GPM6A: variants seen among roughly 807,000 people sequenced by gnomAD.
GPM6A encodes the protein neuronal membrane glycoprotein M6-a.
A neutral mutation model predicts 32.1 loss-of-function variants in GPM6A; 7 were observed. The observed-to-expected ratio is 0.22, with a 90% CI of 0.12 to 0.41. GPM6A has a LOEUF of 0.41. Among genes scored for constraint, GPM6A ranks in the 10% least tolerant of loss-of-function variants. The probability of loss-of-function intolerance (pLI) is 1.00; values close to 1 mark genes in which losing one functional copy is unlikely to be tolerated. For synonymous variants in GPM6A, 130 were observed against 123.4 expected (o/e 1.05, Z -0.35); for missense variants, 235 against 347.2 (o/e 0.68, Z 2.57).
At chr4:175,865,439 G>A (rs1182228371) in intron 1 of GPM6A, among the ~76,000 whole-genome samples, 1 of 152,146 alleles carries the variant, frequency 6.6e-6, no homozygotes, top group East Asian at 1.9e-4. Flanking sequence ...GTAAATTTAA[G>A]AATGAGTTAG....
intron 1 of GPM6A, among the ~76,000 whole-genome samples, chr4:175,888,118 C>T (rs1397771344): frequency 6.6e-6 from 1 of 151,790 alleles, no homozygotes; most frequent in East Asian, 1.9e-4. Context: ...AATAACCAAT[C>T]ACAATTCAAG....
chr4:175,887,001 A>C (rs1278934992), intron 1 of GPM6A, among the ~76,000 whole-genome samples: 3 of 152,090 alleles, frequency 2.0e-5, no homozygotes, highest in African/African-American at 7.2e-5. Flanking sequence ...TAATATCACT[A>C]ATCAAAAATT....
chr4:175,752,074 A>G (rs1297598330), intron 1 of GPM6A, among the ~76,000 whole-genome samples: 2 of 152,132 alleles, frequency 1.3e-5, no homozygotes, highest in African/African-American at 4.8e-5. Context: ...GCTGAAAACT[A>G]TGGAACCTTC....
chr4:175,930,747 C>T (rs1486358745), intron 1 of GPM6A, among the ~76,000 whole-genome samples: 1 of 152,030 alleles, frequency 6.6e-6, no homozygotes, highest in Non-Finnish European at 1.5e-5. Context: ...ACATACCAAA[C>T]AGTGAAGGCA....
intron 1 of GPM6A, among the ~76,000 whole-genome samples, chr4:175,828,949 G>T (rs1226705338): frequency 6.6e-6 from 1 of 152,012 alleles, no homozygotes; most frequent in Non-Finnish European, 1.5e-5. Context: ...TTGAGACAGG[G>T]TTTGATTTCA....
intron 1 of GPM6A, among the ~76,000 whole-genome samples, chr4:175,769,515 G>T (rs1277631267): frequency 6.6e-6 from 1 of 151,878 alleles, no homozygotes; most frequent in Non-Finnish European, 1.5e-5. Flanking sequence ...TTTTTGCCCA[G>T]GGCCCCCCTG....
At chr4:175,959,236 T>A (rs1490962923) in intron 1 of GPM6A, among the ~76,000 whole-genome samples, 1 of 152,134 alleles carries the variant, frequency 6.6e-6, no homozygotes, top group Non-Finnish European at 1.5e-5. Context: ...ATGGGAACTC[T>A]CTATATTCAC....
chr4:175,872,844 C>T (rs961865000), intron 1 of GPM6A: 4 of 152,070 alleles, frequency 2.6e-5, no homozygotes, highest in African/African-American at 9.7e-5. Context: ...TTCTGTGAAA[C>T]CAAAATGTGA....
chr4:175,706,854 A>T (rs143403273), intron 1 of GPM6A, among the ~76,000 whole-genome samples: 33 of 152,330 alleles, frequency 2.2e-4, no homozygotes, highest in Middle Eastern at 6.8e-3. Flanking sequence ...TAAAGAAGCC[A>T]GCTAAAACCC....
At chr4:175,709,326 T>C (rs2111085281) in intron 1 of GPM6A, among the ~76,000 whole-genome samples, 1 of 150,620 alleles carries the variant, frequency 6.6e-6, no homozygotes, top group Non-Finnish European at 1.5e-5. Flanking sequence ...TACGTGGGCC[T>C]CTCTCTCTCT....
intron 1 of GPM6A, among the ~76,000 whole-genome samples, chr4:175,924,225 G>A (rs1192224142): frequency 6.6e-6 from 1 of 152,204 alleles, no homozygotes; most frequent in African/African-American, 2.4e-5. Flanking sequence ...TATTGCTGAC[G>A]TTCGCCAAAT....
intron 2 of GPM6A, among the ~76,000 whole-genome samples, chr4:175,682,889 C>G (rs1560872615): frequency 6.6e-6 from 1 of 152,168 alleles, no homozygotes; most frequent in Non-Finnish European, 1.5e-5. Context: ...AGAACCTCTG[C>G]TAGATGCAAT....
chr4:175,822,818 T>G (rs1170311633), intron 1 of GPM6A, among the ~76,000 whole-genome samples: 4 of 152,172 alleles, frequency 2.6e-5, no homozygotes, highest in Non-Finnish European at 4.4e-5. Flanking sequence ...CCTAGTGTTC[T>G]CCCTCCCCTT....
chr4:175,973,482 C>A (rs17052296), intron 1 of GPM6A, among the ~76,000 whole-genome samples: 5,380 of 152,304 alleles, frequency 0.035, 205 homozygotes, highest in African/African-American at 0.1. Context: ...AAGTGAGGTA[C>A]TTAAAAGGGT....
chr4:175,687,115 C>T (rs1744024254), intron 2 of GPM6A, among the ~76,000 whole-genome samples: 1 of 152,164 alleles, frequency 6.6e-6, no homozygotes, highest in East Asian at 1.9e-4. Context: ...ATTGAAGCTA[C>T]TTTAGAATGT....
At chr4:175,784,148 A>G (rs1486827270) in intron 1 of GPM6A, among the ~76,000 whole-genome samples, 1 of 152,132 alleles carries the variant, frequency 6.6e-6, no homozygotes, top group Admixed American at 6.5e-5. Context: ...AAGTGATGAG[A>G]GAGGCACATC....
At chr4:175,705,524 T>G (rs1194453124) in intron 1 of GPM6A, among the ~76,000 whole-genome samples, 1 of 152,188 alleles carries the variant, frequency 6.6e-6, no homozygotes, top group African/African-American at 2.4e-5. Context: ...AACTCCCATC[T>G]GGGGAAGCAG....
chr4:175,834,327 G>A (rs1735700941), intron 1 of GPM6A, among the ~76,000 whole-genome samples: 1 of 152,178 alleles, frequency 6.6e-6, no homozygotes, highest in East Asian at 1.9e-4. Context: ...AGAATTGTTC[G>A]GCTGCTTTTT....
At chr4:175,964,444 TA>T (rs1271429518) in intron 1 of GPM6A, among the ~76,000 whole-genome samples, 1 of 152,188 alleles carries the variant, frequency 6.6e-6, no homozygotes, top group Non-Finnish European at 1.5e-5. Context: ...CTGGGTGGCT[TA>T]AACAACAGAA....
Sources: allele counts gnomAD v4.1 joint callset (sites outside exome capture counted in the v4.1 genomes callset), GRCh38; gene constraint gnomAD v4.1.1; transcripts MANE v1.5; gene names NCBI Gene and HGNC (gene_info 2026-07-23, HGNC 2026-07-21).